ANKRD30A: variants seen among roughly 807,000 people sequenced by gnomAD.
ANKRD30A encodes the protein ankyrin repeat domain 30A, also known as ankyrin repeat domain-containing protein 30A.
ANKRD30A carries 170 observed loss-of-function variants against 166.3 expected under a neutral mutation model. The ratio of observed to expected loss-of-function variants is 1.02; its 90% CI spans 0.90 to 1.16. The LOEUF (loss-of-function observed/expected upper bound fraction) is 1.16, where lower values mean the gene tolerates loss of function less well. Among genes scored for constraint, ANKRD30A ranks in the 50% most tolerant of loss-of-function variants. ANKRD30A has a pLI of 0.00. For missense variants in ANKRD30A, 1,630 were observed against 1,518.0 expected (o/e 1.07, Z -1.23); for synonymous variants, 564 against 508.9 (o/e 1.11, Z -1.46).
Position 37,153,649 on chromosome 10 carries a change from T to A in ANKRD30A, c.1785T>A (p.Asn595Lys). The A allele has an allele frequency of 1.2e-6, 2 of 1,611,442 alleles. No homozygotes were observed. Among genetic ancestry groups the A allele is most frequent in the South Asian group, 2.2e-5 (2 of 90,886 alleles). The change falls in exon 13 of 36, where the codon AAT becomes AAA. Residue 595 changes from asparagine to lysine, a missense_variant. Transcript: ENST00000361713. ...ATHQKEIDKI[N>K]GKLEESPNKD... Reference sequence around the variant, plus strand: ...ATCAAAAAGAAATAGATAAAATAAATGGAAAATTAGAAGGTAAGAACCGTT... The same window carrying A: ...ATCAAAAAGAAATAGATAAAATAAAAGGAAAATTAGAAGGTAAGAACCGTT...
rs1461068640 is a variant in ANKRD30A, at chr10:37,152,849, G to A, written c.1708-723G>A. On this transcript the variant is annotated intron_variant, in intron 12 of 35. Transcript: ENST00000361713. ...GACCTCTTAGAAACAAGCAGCTGCT[G>A]CCTGGTGGTAACAGCAAAAGGTGGA... Among the ~76,000 whole-genome samples, 48 of 152,092 alleles carry A rather than the reference G, an allele frequency of 3.2e-4. 1 individual carries two copies. The highest frequency in any genetic ancestry group is 3.1e-3 in the Admixed American group (48 of 15,264).
chr10:37,202,445 C>T (rs949451718), intron 31 of ANKRD30A, among the ~76,000 whole-genome samples: 1 of 152,226 alleles, frequency 6.6e-6, no homozygotes, highest in East Asian at 1.9e-4. Flanking sequence ...CCGATGAGAA[C>T]AAAGGCACCA....
chr10:37,165,989 AC>A (rs1839297530), intron 18 of ANKRD30A, among the ~76,000 whole-genome samples: 1 of 152,140 alleles, frequency 6.6e-6, no homozygotes, highest in Non-Finnish European at 1.5e-5. Context: ...ATGTGACATA[AC>A]TTTTTTCTTA....
intron 34 of ANKRD30A, among the ~76,000 whole-genome samples, chr10:37,229,228 A>T (rs888368380): frequency 2.6e-5 from 4 of 151,972 alleles, no homozygotes; most frequent in African/African-American, 9.7e-5. Flanking sequence ...CTCTATCTCA[A>T]ACTGCTTGCC....
chr10:37,146,205 C>T (rs915523259), intron 8 of ANKRD30A, among the ~76,000 whole-genome samples: 14 of 152,360 alleles, frequency 9.2e-5, no homozygotes, highest in African/African-American at 2.4e-4. Context: ...TTAAACATAA[C>T]ATAAATATAA....
At chr10:37,167,655 C>T (rs557150177) in intron 19 of ANKRD30A, among the ~76,000 whole-genome samples, 1 of 151,796 alleles carries the variant, frequency 6.6e-6, no homozygotes, top group Admixed American at 6.6e-5. Flanking sequence ...GTACATCTTC[C>T]TGCATGAGTG....
At chr10:37,159,652 C>G (rs1426042761) in intron 15 of ANKRD30A, among the ~76,000 whole-genome samples, 1 of 151,992 alleles carries the variant, frequency 6.6e-6, no homozygotes, top group Non-Finnish European at 1.5e-5. Context: ...AATTTGTTTT[C>G]ATGTCTTAAA....
intron 31 of ANKRD30A, among the ~76,000 whole-genome samples, 179 bp from the exon 32 acceptor site, chr10:37,216,002 C>G (rs1842582927): frequency 6.6e-6 from 1 of 150,806 alleles, no homozygotes; most frequent in African/African-American, 2.4e-5. Flanking sequence ...ATATTTTAAG[C>G]TAAACAAGAG....
rs142026038 is a variant in ANKRD30A at position 37,166,265 on chromosome 10, T to G, written c.2065-340T>G. Among the ~76,000 whole-genome samples, 1,467 of 152,308 alleles carry G rather than the reference T, an allele frequency of 9.6e-3. 8 individuals carry two copies. Among genetic ancestry groups the G allele is most frequent in the East Asian group, 0.09 (464 of 5,172 alleles). Reference sequence around the variant, plus strand: ...GCGTTGTATTTTGTTTGAAATGTCTTATTTATTTTTGATGAGGACTAGAAC... The same window carrying G: ...GCGTTGTATTTTGTTTGAAATGTCTGATTTATTTTTGATGAGGACTAGAAC... On this transcript the variant is annotated intron_variant, in intron 18 of 35. Transcript: ENST00000361713.
At chr10:37,225,469 G>C (rs962608033) in intron 34 of ANKRD30A, among the ~76,000 whole-genome samples, 3 of 151,762 alleles carry the variant, frequency 2.0e-5, no homozygotes, top group African/African-American at 7.2e-5. Context: ...AATTTCCATG[G>C]AGATTTTAAA....
At position 37,213,332 on chromosome 10, in the gene ANKRD30A, T is replaced by C. The variant is rs1242506707; in HGVS notation, c.2870-2849T>C. Among the ~76,000 whole-genome samples the C allele has an allele frequency of 1.3e-5, 2 of 151,756 alleles. 1 individual carries two copies. The highest frequency in any genetic ancestry group is 4.8e-5 in the African/African-American group (2 of 41,382). ...CTGTGTCTTCACATGGCAGAAAGGG[T>C]AAAGAGGCTCTCTGGGGTTATTTCT... is the stretch of plus-strand genomic sequence containing the variant. On this transcript the variant is annotated intron_variant, in intron 31 of 35. Transcript: ENST00000361713.
chr10:37,258,899 G>A, the ANKRD30A span, among the ~76,000 whole-genome samples: 1 of 143,480 alleles, frequency 7.0e-6, no homozygotes, highest in Non-Finnish European at 1.5e-5. Context: ...GGATGAGGAG[G>A]TTGCAGTGAG....
chr10:37,245,884 C>T, the ANKRD30A span, among the ~76,000 whole-genome samples: 2 of 152,158 alleles, frequency 1.3e-5, no homozygotes, highest in African/African-American at 4.8e-5. Context: ...CTAAATGTTG[C>T]CTACAGTTCC....
In ANKRD30A at chr10:37,152,066, T is replaced by A. The variant is rs377410013; in HGVS notation, c.1652T>A (p.Met551Lys). 3.7e-6 allele frequency: 6 copies of A among 1,608,864 alleles called. No homozygotes were observed. The East Asian group carries it at 1.1e-4, about 30-fold the overall frequency. ...TGTGATTAACCTTTTATAGATCCGA[T>A]GTTCCCACCAGAATCCAAACAAAAG... Reference protein sequence around the residue: ...KNEQTLRADPMFPPESKQKDY... With the variant: ...KNEQTLRADPKFPPESKQKDY... The change falls in exon 12 of 36, where the codon ATG (methionine) becomes AAG (lysine). Residue 551 changes from methionine to lysine, a missense_variant. Physicochemically the swap from Met to Lys is moderately conservative, Grantham distance 95 (BLOSUM62 -1). This residue lies in a region of ANKRD30A where 904 missense variants were observed against 818.5 expected (regional missense o/e 1.10). Coordinates refer to ENST00000361713, the MANE Select transcript of ANKRD30A (RefSeq NM_052997.3).
Position 37,133,925 on chromosome 10 carries a change from C to T in ANKRD30A, c.627C>T (p.Leu209=), listed in dbSNP as rs1437879024. The T allele has an allele frequency of 1.2e-6, 2 of 1,613,848 alleles. No homozygotes were observed. The highest frequency in any genetic ancestry group is 2.2e-5 in the East Asian group (1 of 44,872). The part of the protein sequence containing the change: ...NAVNKYKCTA[L]MLAVCHGSSE... ...CTCTTTGTTATTTTAGCACAGCCCTCATGCTTGCTGTATGTCATGGATCAT... is the reference window on the plus strand; with the variant it reads ...CTCTTTGTTATTTTAGCACAGCCCTTATGCTTGCTGTATGTCATGGATCAT... Residue 209 remains leucine (L), a synonymous_variant, in exon 5 of 36, where the codon CTC becomes CTT. Coordinates refer to ENST00000361713, the MANE Select transcript of ANKRD30A (RefSeq NM_052997.3).
intron 31 of ANKRD30A, among the ~76,000 whole-genome samples, chr10:37,207,914 G>A (rs1469090717): frequency 6.6e-6 from 1 of 151,998 alleles, no homozygotes; most frequent in Admixed American, 6.6e-5. Context: ...ATGTCATAAA[G>A]TTTGCTGAGT....
intron 31 of ANKRD30A, among the ~76,000 whole-genome samples, chr10:37,207,094 C>A (rs1842037876): frequency 6.6e-6 from 1 of 151,718 alleles, no homozygotes; most frequent in African/African-American, 2.4e-5. Context: ...TGAGAGGATG[C>A]AAAAAAATGT....
chr10:37,166,076 CCT>C (rs1250948606), intron 18 of ANKRD30A, among the ~76,000 whole-genome samples: 8 of 152,090 alleles, frequency 5.3e-5, no homozygotes, highest in African/African-American at 1.4e-4. Flanking sequence ...ATTTTAAGCC[CCT>C]GTTTACCGAA....
intron 12 of ANKRD30A, among the ~76,000 whole-genome samples, chr10:37,152,653 G>A (rs1220254122): frequency 6.6e-6 from 1 of 152,100 alleles, no homozygotes; most frequent in East Asian, 1.9e-4. Context: ...AACCTTGTGG[G>A]AGTATAATAA....
Sources: gnomAD v4.1 joint callset for allele counts (sites outside exome capture counted in the v4.1 genomes callset) on GRCh38, gnomAD v4.1.1 for gene constraint, gnomAD v4.1.1 regional missense constraint, MANE v1.5 for transcripts, NCBI Gene and HGNC (gene_info 2026-07-23, HGNC 2026-07-21) for gene names.